PLA2G6: variants seen among roughly 807,000 people sequenced by gnomAD.
PLA2G6 encodes phospholipase A2 group VI, also known as 85/88 kDa calcium-independent phospholipase A2.
Under a neutral mutation model 83.8 loss-of-function variants are expected in PLA2G6, and 62 were observed. That is an observed-to-expected ratio of 0.74 (90% confidence interval 0.60 to 0.91). The LOEUF (loss-of-function observed/expected upper bound fraction) is 0.91. Ranked by LOEUF, PLA2G6 falls within the 40% of genes least tolerant of loss-of-function variation. The pLI is 0.00. For missense variants in PLA2G6, 944 were observed against 1,102.0 expected, an observed-to-expected ratio of 0.86 and a Z score of 2.03; for synonymous variants, 417 against 449.8, an observed-to-expected ratio of 0.93 and a Z score of 0.92.
intron 10 of PLA2G6, chr22:38,125,763 G>C (rs1277245169): frequency 1.1e-5 from 5 of 467,020 alleles, no homozygotes; most frequent in African/African-American, 4.0e-5. Context: ...AAGAATAAAT[G>C]AATCAACTGC....
intron 1 of PLA2G6, among the ~76,000 whole-genome samples, chr22:38,172,967 G>A (rs547707646): frequency 5.9e-5 from 9 of 152,348 alleles, no homozygotes; most frequent in Admixed American, 2.0e-4. Flanking sequence ...GCAATGGAGG[G>A]AAGGTGTCTG....
intron 1 of PLA2G6, among the ~76,000 whole-genome samples, chr22:38,173,142 T>C (rs1158905087): frequency 6.6e-6 from 1 of 152,190 alleles, no homozygotes; most frequent in Non-Finnish European, 1.5e-5. Context: ...CTTCTGTCCC[T>C]GCCACCTTGG....
intron 2 of PLA2G6, among the ~76,000 whole-genome samples, chr22:38,162,439 G>A (rs1162181529): frequency 2.6e-5 from 4 of 152,098 alleles, no homozygotes; most frequent in East Asian, 1.9e-4. Context: ...GGATGGGGCT[G>A]GGAAAAGCGG....
rs78435079 is a variant in PLA2G6 at position 38,164,968 on chromosome 22, C to T, written c.209+4250G>A. Among the ~76,000 whole-genome samples, 771 of 152,206 alleles carry T rather than the reference C, an allele frequency of 5.1e-3. 6 individuals are homozygous for T. Among genetic ancestry groups the T allele is most frequent in the African/African-American group, 0.018 (733 of 41,520 alleles). ...CTCCAGCAGTGCCCTGATGACCCTC[C>T]TCCACAGCCTCGACCCCACCCCACC... On this transcript the variant is annotated intron_variant, in intron 2 of 16. Coordinates refer to ENST00000332509, the MANE Select transcript of PLA2G6 (RefSeq NM_003560.4).
At chr22:38,151,373 A>T (rs1426348902) in intron 2 of PLA2G6, among the ~76,000 whole-genome samples, 3 of 151,952 alleles carry the variant, frequency 2.0e-5, no homozygotes, top group Non-Finnish European at 4.4e-5. Flanking sequence ...CAGCCTCCCG[A>T]GTAGCAGGGA....
intron 10 of PLA2G6, among the ~76,000 whole-genome samples, chr22:38,124,273 C>G (rs1226197081): frequency 3.3e-5 from 5 of 152,196 alleles, no homozygotes; most frequent in African/African-American, 1.2e-4. Flanking sequence ...GGACTACAGG[C>G]AGGAGCCACT....
intron 2 of PLA2G6, chr22:38,149,275 A>T (rs2089441645): frequency 6.6e-6 from 1 of 152,234 alleles, no homozygotes; most frequent in Admixed American, 6.5e-5. Flanking sequence ...CAGAAACAAT[A>T]TACAAAAGAA....
At chr22:38,121,013 C>T (rs1004754010) in intron 11 of PLA2G6, 104 bp from the exon 12 acceptor site, 20 of 1,414,816 alleles carry the variant, frequency 1.4e-5, no homozygotes, top group African/African-American at 1.3e-4. Flanking sequence ...CAGGAGGAAG[C>T]GGGTTTACCG....
intron 1 of PLA2G6, among the ~76,000 whole-genome samples, chr22:38,178,018 C>A (rs1233641724): frequency 6.6e-6 from 1 of 152,200 alleles, no homozygotes; most frequent in African/African-American, 2.4e-5. Flanking sequence ...CTGCTGCTCA[C>A]GTGAGCCAGA....
chr22:38,140,156 T>C lies in PLA2G6; in HGVS notation c.623A>G (p.Asn208Ser). 1 of 1,614,070 alleles carries C rather than the reference T, an allele frequency of 6.2e-7. No individual in the cohort carries two copies. The highest frequency in any genetic ancestry group is 8.5e-7 in the Non-Finnish European group (1 of 1,179,984). ...CACCTGGTTCAGGCCAGCCACTGCG[T>C]TCCTTCCAAGGAGCTGATGAAAGAG... Reference protein sequence around the residue: ...NSQVLQLLGRNAVAGLNQVNN... With the variant: ...NSQVLQLLGRSAVAGLNQVNN... The change falls in exon 5 of 17, where the codon AAC becomes AGC. Residue 208 changes from asparagine (N) to serine (S), a missense_variant. Coordinates refer to ENST00000332509, the MANE Select transcript of PLA2G6 (RefSeq NM_003560.4).
chr22:38,164,852 G>A (rs1160174257), intron 2 of PLA2G6, among the ~76,000 whole-genome samples: 1 of 152,204 alleles, frequency 6.6e-6, no homozygotes, highest in Non-Finnish European at 1.5e-5. Flanking sequence ...CAAGTCCAGT[G>A]CACCAGGCCT....
chr22:38,145,208 T>C (rs2089177187), intron 3 of PLA2G6: 1 of 571,668 alleles, frequency 1.7e-6, no homozygotes, highest in Non-Finnish European at 3.1e-6. Flanking sequence ...TTTTAATTTT[T>C]TCGTAGAGAC....
chr22:38,141,461 C>T (rs1178592687), intron 4 of PLA2G6: 1 of 152,332 alleles, frequency 6.6e-6, no homozygotes, highest in Non-Finnish European at 1.5e-5. Flanking sequence ...ACCAGGGTCA[C>T]CTCACAGCAG....
chr22:38,119,606 G>A (rs2087408206), intron 12 of PLA2G6, among the ~76,000 whole-genome samples: 1 of 152,164 alleles, frequency 6.6e-6, no homozygotes, highest in African/African-American at 2.4e-5. Flanking sequence ...CGGGAGGATC[G>A]CCTCAGCTCA....
At position 38,126,872 on chromosome 22, in the gene PLA2G6, G is replaced by A. The variant is rs539109950; in HGVS notation, c.1349-423C>T. Reference sequence around the variant, plus strand: ...TCCCTATTGACAGGTGAGGCTCTAAGAGGGTCCATAATTCACCCAAGGTCA... The same window carrying A: ...TCCCTATTGACAGGTGAGGCTCTAAAAGGGTCCATAATTCACCCAAGGTCA... On this transcript the variant is annotated intron_variant, in intron 9 of 16. Transcript: ENST00000332509. 45 of 424,706 alleles carry A rather than the reference G, an allele frequency of 1.1e-4. No individual in the cohort carries two copies. The South Asian group carries it at 1.2e-3, about 12-fold the overall frequency. 26.3% of individuals were successfully genotyped at this position (424,706 alleles called of 1,614,324 possible). A position where few individuals can be genotyped will look rare whatever the true frequency, so the allele number is the denominator to read the frequency against.
intron 14 of PLA2G6, among the ~76,000 whole-genome samples, chr22:38,115,069 C>G (rs1010296295): frequency 1.3e-5 from 2 of 152,220 alleles, no homozygotes; most frequent in African/African-American, 4.8e-5. Context: ...ACTGCTCTGT[C>G]CCCAAGGGCC....
chr22:38,117,475 G>A (rs962850611), intron 12 of PLA2G6, among the ~76,000 whole-genome samples: 5 of 152,034 alleles, frequency 3.3e-5, no homozygotes, highest in Admixed American at 2.6e-4. Flanking sequence ...GATTACAAGC[G>A]TGAGCCACTG....
intron 1 of PLA2G6, among the ~76,000 whole-genome samples, chr22:38,172,628 A>T (rs895572851): frequency 6.6e-6 from 1 of 152,116 alleles, no homozygotes; most frequent in African/African-American, 2.4e-5. Context: ...GAAGATGGGG[A>T]CCTGTGGGAC....
In PLA2G6 at chr22:38,163,704, G is replaced by A. The variant is rs563321561; in HGVS notation, c.209+5514C>T. 1.8e-5 allele frequency: 3 copies of A among 169,448 alleles called. No individual in the cohort carries two copies. In the East Asian group the frequency reaches 5.8e-4, roughly 33 times the overall value. 10.5% of individuals were successfully genotyped at this position (169,448 alleles called of 1,614,324 possible). On this transcript the variant is annotated intron_variant, in intron 2 of 16. Coordinates refer to ENST00000332509, the MANE Select transcript of PLA2G6 (RefSeq NM_003560.4). The stretch of plus-strand genomic sequence containing the variant: ...GCAAGGGCAAAGAGGCCGTGTCGGG[G>A]ACAAGGCCTGTGTAGGGAATACAAG...
Sources: allele counts gnomAD v4.1 joint callset (sites outside exome capture counted in the v4.1 genomes callset), GRCh38; gene constraint gnomAD v4.1.1; transcripts MANE v1.5; gene names NCBI Gene and HGNC (gene_info 2026-07-23, HGNC 2026-07-21).